Variants in CENPE observed in about 807,000 individuals in gnomAD.
The protein encoded by CENPE is centromere protein E.
Under a neutral mutation model 336.1 loss-of-function variants are expected in CENPE, and 145 were observed. That is an observed-to-expected ratio of 0.43 (90% CI 0.38 to 0.50). The LOEUF (loss-of-function observed/expected upper bound fraction) is 0.50, where lower values mean the gene tolerates loss of function less well. Among genes scored for constraint, CENPE ranks in the 20% least tolerant of loss-of-function variants. The pLI, the probability that CENPE is intolerant of heterozygous loss-of-function variation, is 0.00. For missense variants in CENPE, 2,719 were observed against 3,023.3 expected (o/e 0.90, Z 2.36); for synonymous variants, 1,013 against 984.8 (o/e 1.03, Z -0.54).
At position 103,178,183 on chromosome 4, in the gene CENPE, C is replaced by T. The variant is rs55688349; in HGVS notation, c.1243-1137G>A. Among the ~76,000 whole-genome samples, 814 of 152,124 alleles carry T rather than the reference C, an allele frequency of 5.4e-3. 5 individuals are homozygous for T. Among genetic ancestry groups the T allele is most frequent in the Non-Finnish European group, 9.0e-3 (611 of 67,996 alleles). On this transcript the variant is annotated intron_variant, in intron 13 of 48. Coordinates refer to ENST00000265148, the MANE Select transcript of CENPE (RefSeq NM_001813.3). ...CTCTGTCCCTTACATGTACCCTACA[C>T]GGCACACTCAAATGGCACTGTGTTC...
chr4:103,178,791 C>A (rs971236184), intron 13 of CENPE, among the ~76,000 whole-genome samples: 3 of 152,236 alleles, frequency 2.0e-5, no homozygotes, highest in Middle Eastern at 3.4e-3. Context: ...TACAGCTAAA[C>A]CTGGGCTGCT....
At chr4:103,117,639 T>TG in intron 44 of CENPE, among the ~76,000 whole-genome samples, 1 of 149,772 alleles carries the variant, frequency 6.7e-6, no homozygotes, top group Non-Finnish European at 1.5e-5. Flanking sequence ...TTTTTTTTTT[T>TG]TTTTTTAAGA....
intron 21 of CENPE, among the ~76,000 whole-genome samples, chr4:103,159,760 T>C (rs1437095801): frequency 6.6e-6 from 1 of 151,842 alleles, no homozygotes; most frequent in East Asian, 1.9e-4. Context: ...AAAATTGTTA[T>C]TTAAGAAGTA....
intron 46 of CENPE, among the ~76,000 whole-genome samples, chr4:103,113,460 T>C (rs577344507): frequency 0.013 from 1,884 of 141,272 alleles, 38 homozygotes; most frequent in African/African-American, 0.042. Flanking sequence ...ATATTACTTA[T>C]ATATAATATA....
At position 103,145,629 on chromosome 4, in the gene CENPE, T is replaced by C; in HGVS notation, c.4466A>G (p.Gln1489Arg). The C allele has an allele frequency of 6.2e-7, 1 of 1,608,706 alleles. No individual in the cohort carries two copies. Residue 1489 changes from glutamine to arginine, a missense_variant, in exon 31 of 49, where the codon CAA becomes CGA. Physicochemically the swap from Gln to Arg is conservative, Grantham distance 43. Transcript: ENST00000265148. ...TCTTAACTCATTAATAGTTTCCTCT[T>C]GTTCTTTCAGGCAACAATGAGCAAC... ...LKVAHCCLKEQEETINELRVN... is the reference protein window; with the variant it reads ...LKVAHCCLKEREETINELRVN...
At chr4:103,156,153 C>G (rs1389207818) in intron 24 of CENPE, among the ~76,000 whole-genome samples, 1 of 152,116 alleles carries the variant, frequency 6.6e-6, no homozygotes, top group Non-Finnish European at 1.5e-5. Context: ...TTTAAGACAT[C>G]AATACTACCG....
rs1233937581 is a variant in CENPE, at chr4:103,158,595, T to C, written c.2874+19A>G. 20 of 1,568,730 alleles carry C rather than the reference T, an allele frequency of 1.3e-5. No individual in the cohort carries two copies. The highest frequency in any genetic ancestry group is 4.1e-5 in the Admixed American group (2 of 48,524). ...TAAGAGTCTCCAATTTTTCAAAGTT[T>C]AATCAATCAAAACCTTACCATGTTA... On this transcript the variant is annotated intron_variant, in intron 23 of 48. Transcript: ENST00000265148.
At chr4:103,123,840 T>G (rs766450607) in intron 42 of CENPE, among the ~76,000 whole-genome samples, 1 of 152,210 alleles carries the variant, frequency 6.6e-6, no homozygotes, top group Non-Finnish European at 1.5e-5. Context: ...TAAGATTTAT[T>G]CATGGATTCA....
chr4:103,187,961 A>C (rs1356290415), intron 8 of CENPE, among the ~76,000 whole-genome samples: 1 of 152,126 alleles, frequency 6.6e-6, no homozygotes, highest in African/African-American at 2.4e-5. Flanking sequence ...TCTACCAAGC[A>C]AATGGAAAAC....
In CENPE at chr4:103,145,241, G is replaced by C. The variant is rs1752925826; in HGVS notation, c.4666C>G (p.His1556Asp). The change falls in exon 32 of 49, where the codon CAT (histidine) becomes GAT (aspartate). Residue 1556 changes from histidine (H) to aspartate (D), a missense_variant. Around this residue, in one of 5 missense-constraint regions of CENPE, gnomAD observed 2,437 missense variants for 2,513.3 expected, o/e 0.97. Coordinates refer to ENST00000265148, the MANE Select transcript of CENPE (RefSeq NM_001813.3). ...AGTGCTGAATCCTTGGCTTTGCGATGCTCCTTGAATTGTTTCAGTTCATTC... is the reference window on the plus strand; with the variant it reads ...AGTGCTGAATCCTTGGCTTTGCGATCCTCCTTGAATTGTTTCAGTTCATTC... ...KVNELKQFKE[H>D]RKAKDSALQS... is the part of the protein sequence containing the mutation. The C allele has an allele frequency of 3.1e-6, 5 of 1,613,450 alleles. No individual in the cohort carries two copies. Among genetic ancestry groups the C allele is most frequent in the African/African-American group, 2.7e-5 (2 of 74,986 alleles).
At chr4:103,161,009 A>C in intron 20 of CENPE, 77 bp downstream of exon 20, 1 of 1,242,220 alleles carries the variant, frequency 8.1e-7, no homozygotes, top group Non-Finnish European at 1.1e-6. Flanking sequence ...AATCATTGAA[A>C]TATGCTTGTC....
chr4:103,175,719 A>AC (rs1755796732), intron 15 of CENPE, among the ~76,000 whole-genome samples: 1 of 152,146 alleles, frequency 6.6e-6, no homozygotes, highest in Non-Finnish European at 1.5e-5. Flanking sequence ...CATTGTGAAT[A>AC]CTAAGATCTG....
intron 18 of CENPE, 75 bp downstream of exon 18, chr4:103,163,062 T>C (rs887873071): frequency 5.3e-5 from 66 of 1,245,110 alleles, no homozygotes; most frequent in Non-Finnish European, 7.3e-5. Context: ...GTAGGTCCAG[T>C]ATAAGCATTT....
chr4:103,186,367 C>T (rs1756770577), intron 8 of CENPE, among the ~76,000 whole-genome samples: 1 of 152,198 alleles, frequency 6.6e-6, no homozygotes, highest in South Asian at 2.1e-4. Flanking sequence ...ATCCTTCCTC[C>T]CCGCCAGATT....
intron 48 of CENPE, among the ~76,000 whole-genome samples, chr4:103,106,939 A>G (rs186084423): frequency 1.1e-3 from 171 of 152,260 alleles, no homozygotes; most frequent in African/African-American, 3.8e-3. Flanking sequence ...TCAGTTTTTG[A>G]TTTATGTATT....
At chr4:103,168,997 A>T (rs1310086549) in intron 16 of CENPE, among the ~76,000 whole-genome samples, 1 of 152,228 alleles carries the variant, frequency 6.6e-6, no homozygotes, top group Non-Finnish European at 1.5e-5. Context: ...AAAGATGGAG[A>T]TGTATTATCT....
chr4:103,183,651 T>G (rs1756507634), intron 9 of CENPE, among the ~76,000 whole-genome samples: 1 of 152,102 alleles, frequency 6.6e-6, no homozygotes, highest in Admixed American at 6.6e-5. Context: ...CAAATTAGCC[T>G]CTAATTTCTT....
At chr4:103,166,274 C>A (rs1463088820) in intron 16 of CENPE, among the ~76,000 whole-genome samples, 2 of 152,134 alleles carry the variant, frequency 1.3e-5, no homozygotes, top group African/African-American at 2.4e-5. Flanking sequence ...AAGGCCTTGG[C>A]AACAATTCAT....
chr4:103,190,376 T>C (rs1292531123), intron 8 of CENPE, among the ~76,000 whole-genome samples: 4 of 152,224 alleles, frequency 2.6e-5, no homozygotes, highest in Non-Finnish European at 4.4e-5. Flanking sequence ...GGCATCATGC[T>C]ACCTGACTTC....
Sources: gnomAD v4.1 joint callset for allele counts (sites outside exome capture counted in the v4.1 genomes callset) on GRCh38, gnomAD v4.1.1 for gene constraint, gnomAD v4.1.1 regional missense constraint, MANE v1.5 for transcripts, NCBI Gene and HGNC (gene_info 2026-07-23, HGNC 2026-07-21) for gene names.